CACNG2: variants seen among roughly 807,000 people sequenced by gnomAD.
The protein encoded by CACNG2 is voltage-dependent calcium channel gamma-2 subunit.
A neutral mutation model predicts 25.9 loss-of-function variants in CACNG2; 3 were observed. That is an observed-to-expected ratio of 0.12 (90% CI 0.05 to 0.30). CACNG2 has a LOEUF of 0.30. CACNG2 is among the 10% of genes least tolerant of loss of function. The pLI, the probability that CACNG2 is intolerant of heterozygous loss-of-function variation, is 1.00. For synonymous variants in CACNG2, 167 were observed against 173.3 expected (o/e 0.96, Z 0.29); for missense variants, 341 against 432.5 (o/e 0.79, Z 1.88).
Position 36,581,945 on chromosome 22 carries a change from G to A in CACNG2, c.295+5520C>T, listed in dbSNP as rs1042791036. ...GTCTCAACCTGTTGTTCCCCCATGG[G>A]CACGGCCCCTTGGCACCATCCTTGC... On this transcript the variant is annotated intron_variant, in intron 2 of 3. Coordinates refer to ENST00000300105, the MANE Select transcript of CACNG2 (RefSeq NM_006078.5). 1.6e-4 allele frequency among the ~76,000 whole-genome samples: 25 copies of A among 152,262 alleles called. 1 individual carries two copies. The highest frequency in any genetic ancestry group is 6.0e-4 in the African/African-American group (25 of 41,536).
At chr22:36,685,364 A>C (rs890570413) in intron 1 of CACNG2, among the ~76,000 whole-genome samples, 1 of 151,362 alleles carries the variant, frequency 6.6e-6, no homozygotes, top group Non-Finnish European at 1.5e-5. Context: ...CTCTTTCCCC[A>C]CCCTGTGCCA....
At chr22:36,619,534 C>G (rs912985921) in intron 1 of CACNG2, among the ~76,000 whole-genome samples, 1 of 152,192 alleles carries the variant, frequency 6.6e-6, no homozygotes, top group African/African-American at 2.4e-5. Context: ...TGTTTGTCTG[C>G]TAATGTTTTC....
chr22:36,567,678 G>A (rs1935150220), intron 2 of CACNG2, among the ~76,000 whole-genome samples: 1 of 152,104 alleles, frequency 6.6e-6, no homozygotes, highest in Non-Finnish European at 1.5e-5. Flanking sequence ...AGGACCCAGA[G>A]GTGTTGGGGA....
chr22:36,590,020 C>A (rs139763833), intron 1 of CACNG2, among the ~76,000 whole-genome samples: 26 of 152,326 alleles, frequency 1.7e-4, no homozygotes, highest in African/African-American at 5.8e-4. Flanking sequence ...AGGAGTGAGG[C>A]TCAGAGAGCA....
At position 36,689,330 on chromosome 22, in the gene CACNG2, A is replaced by G. The variant is rs114341010; in HGVS notation, c.211+13036T>C. Among the ~76,000 whole-genome samples, 661 of 152,288 alleles carry G rather than the reference A, an allele frequency of 4.3e-3. 6 individuals are homozygous for G. Among genetic ancestry groups the G allele is most frequent in the African/African-American group, 0.013 (561 of 41,562 alleles). The stretch of plus-strand genomic sequence containing the variant: ...ACAGACAAGGACCCTGGTCTCATGG[A>G]ACTCACATTCCAATTAGAAATAATA... On this transcript the variant is annotated intron_variant, in intron 1 of 3. Transcript: ENST00000300105.
chr22:36,567,298 C>A (rs1052486679), intron 2 of CACNG2, among the ~76,000 whole-genome samples: 10 of 152,128 alleles, frequency 6.6e-5, no homozygotes, highest in African/African-American at 2.2e-4. Flanking sequence ...ACATATGCTT[C>A]CACCATGAAC....
chr22:36,680,450 C>A (rs1043903038), intron 1 of CACNG2, among the ~76,000 whole-genome samples: 1 of 149,636 alleles, frequency 6.7e-6, no homozygotes, highest in African/African-American at 2.5e-5. Flanking sequence ...ACCACCATCA[C>A]CATCACCACT....
intron 1 of CACNG2, among the ~76,000 whole-genome samples, chr22:36,643,370 T>A (rs899423452): frequency 3.3e-5 from 5 of 152,004 alleles, no homozygotes; most frequent in African/African-American, 1.2e-4. Context: ...CCCAACTATA[T>A]GCTGTGCCCT....
In CACNG2 at chr22:36,564,160, A is replaced by G; in HGVS notation, c.*191T>C. 1 of 473,308 alleles carries G rather than the reference A, an allele frequency of 2.1e-6. No individual in the cohort carries two copies. The highest frequency in any genetic ancestry group is 3.3e-5 in the East Asian group (1 of 30,488). 29.3% of individuals were successfully genotyped at this position (473,308 alleles called of 1,614,324 possible). ...CCTCTTATATTTTGTTCTTTTTTTT[A>G]AAATTTACTTGTTATGTTTTTTCTC... On this transcript the variant is annotated 3_prime_UTR_variant, in exon 4 of 4. Coordinates refer to ENST00000300105, the MANE Select transcript of CACNG2 (RefSeq NM_006078.5). The surrounding 1 kb of genome is among the most constrained non-coding windows in gnomAD (Gnocchi z 6.7).
chr22:36,688,309 T>A (rs1937226266), intron 1 of CACNG2, among the ~76,000 whole-genome samples: 1 of 151,666 alleles, frequency 6.6e-6, no homozygotes, highest in African/African-American at 2.4e-5. Context: ...CTTTGGGAGA[T>A]GGAGGTGAGA....
At chr22:36,695,458 A>C (rs921704231) in intron 1 of CACNG2, among the ~76,000 whole-genome samples, 138 of 136,484 alleles carry the variant, frequency 1.0e-3, no homozygotes, top group Non-Finnish European at 1.3e-3. Flanking sequence ...TGCCCCTCCC[A>C]CCCCATCCAG....
At position 36,561,198 on chromosome 22, in the gene CACNG2, C is replaced by G. The variant is rs1406444042; in HGVS notation, c.*3153G>C. On this transcript the variant is annotated 3_prime_UTR_variant, in exon 4 of 4. Transcript: ENST00000300105. ...TTGCGCCATGGAAAGAAGCACTGAT[C>G]GCCTTCCCAGACGCTCTGCCAGAAT... 6.6e-6 allele frequency: 1 copy of G among 152,264 alleles called. No homozygotes were observed. The highest frequency in any genetic ancestry group is 1.5e-5 in the Non-Finnish European group (1 of 68,072). 9.4% of individuals were successfully genotyped at this position (152,264 alleles called of 1,614,324 possible).
chr22:36,677,918 T>G (rs928907262), intron 1 of CACNG2, among the ~76,000 whole-genome samples: 2 of 152,242 alleles, frequency 1.3e-5, no homozygotes, highest in African/African-American at 4.8e-5. Context: ...AAGTATAATT[T>G]TGAGTATTGT....
At chr22:36,596,436 G>A (rs1021386624) in intron 1 of CACNG2, among the ~76,000 whole-genome samples, 1 of 152,152 alleles carries the variant, frequency 6.6e-6, no homozygotes, top group African/African-American at 2.4e-5. Context: ...TCGTTCTCTC[G>A]TTCGTTCATT....
chr22:36,689,766 G>A lies in CACNG2; in HGVS notation c.211+12600C>T, dbSNP rs549769133. Among the ~76,000 whole-genome samples the A allele has an allele frequency of 3.9e-5, 6 of 152,362 alleles. No homozygotes were observed. In the East Asian group the frequency reaches 1.2e-3, roughly 29 times the overall value. On this transcript the variant is annotated intron_variant, in intron 1 of 3. Coordinates refer to ENST00000300105, the MANE Select transcript of CACNG2 (RefSeq NM_006078.5). ...CTGTCGCCTTGGCACCTGGCATTCA[G>A]TTATTGAATAAAGCATGCCACGTGG...
intron 1 of CACNG2, among the ~76,000 whole-genome samples, chr22:36,625,319 G>A (rs1936168923): frequency 6.6e-6 from 1 of 152,156 alleles, no homozygotes; most frequent in Non-Finnish European, 1.5e-5. Context: ...CATTTCAATC[G>A]AGGGTTGGAT....
intron 1 of CACNG2, among the ~76,000 whole-genome samples, chr22:36,679,197 C>CCTTCCTTT (rs1491420417): frequency 0.015 from 827 of 54,412 alleles, 5 homozygotes; most frequent in African/African-American, 0.018. Context: ...TTCCTTCCTT[C>CCTTCCTTT]CTTTCTTTCT....
chr22:36,674,863 A>T (rs1937001007), intron 1 of CACNG2, among the ~76,000 whole-genome samples: 1 of 152,114 alleles, frequency 6.6e-6, no homozygotes, highest in Non-Finnish European at 1.5e-5. Context: ...TAAGTTACTG[A>T]ATCTCCCTGG....
intron 2 of CACNG2, among the ~76,000 whole-genome samples, chr22:36,571,439 G>C (rs538700599): frequency 1.1e-4 from 16 of 150,688 alleles, no homozygotes; most frequent in African/African-American, 3.9e-4. Flanking sequence ...CCTGGGTGAC[G>C]GAGCGAGGTT....
Sources: allele counts gnomAD v4.1 joint callset (sites outside exome capture counted in the v4.1 genomes callset), GRCh38; gene constraint gnomAD v4.1.1; non-coding constraint Gnocchi (gnomAD v3.1); transcripts MANE v1.5; gene names NCBI Gene and HGNC (gene_info 2026-07-23, HGNC 2026-07-21).